Variants in ANO3 observed in about 807,000 individuals in gnomAD.
The protein encoded by ANO3 is anoctamin 3.
Under a neutral mutation model 144.8 loss-of-function variants are expected in ANO3, and 99 were observed. The observed-to-expected ratio is 0.68, with a 90% CI of 0.58 to 0.81. ANO3 has a LOEUF of 0.81. ANO3 is among the 30% of genes least tolerant of loss of function. The pLI, the probability that ANO3 is intolerant of heterozygous loss-of-function variation, is 0.00. For missense variants in ANO3, 905 were observed against 1,202.2 expected (o/e 0.75, Z 3.66); for synonymous variants, 414 against 392.6 (o/e 1.05, Z -0.64).
intron 14 of ANO3, among the ~76,000 whole-genome samples, chr11:26,569,598 G>A (rs548178331): frequency 6.6e-6 from 1 of 152,194 alleles, no homozygotes; most frequent in Admixed American, 6.5e-5. Context: ...TTGACCTCAT[G>A]CCAACTGAAC....
chr11:26,621,278 A>T (rs1314977909), intron 17 of ANO3, among the ~76,000 whole-genome samples: 2 of 152,098 alleles, frequency 1.3e-5, no homozygotes, highest in Non-Finnish European at 2.9e-5. Context: ...TGCACTGAAA[A>T]AGTGTTTCCC....
At chr11:26,443,546 G>A (rs889948025) in intron 2 of ANO3, among the ~76,000 whole-genome samples, 2 of 152,166 alleles carry the variant, frequency 1.3e-5, no homozygotes, top group Non-Finnish European at 2.9e-5. Flanking sequence ...AGGTTGCAGT[G>A]AGCCGAGATC....
chr11:26,309,323 A>G (rs1854455386), upstream of ANO3, among the ~76,000 whole-genome samples: 1 of 152,178 alleles, frequency 6.6e-6, no homozygotes, highest in Non-Finnish European at 1.5e-5. Context: ...GGTGCAGAAT[A>G]TTAGAAGAGT....
rs193027980 is a variant in ANO3 at position 26,579,186 on chromosome 11, A to G, written c.1448-19179A>G. ...TCCACATGATTTATTAATGCTTTCT[A>G]AAAAAGCACTTAAGGCAGGTAATTA... On this transcript the variant is annotated intron_variant, in intron 14 of 26. Transcript: ENST00000256737. Among the ~76,000 whole-genome samples, 27 of 152,286 alleles carry G rather than the reference A, an allele frequency of 1.8e-4. No individual in the cohort carries two copies. The East Asian group carries it at 5.2e-3, about 29-fold the overall frequency.
intron 1 of ANO3, among the ~76,000 whole-genome samples, chr11:26,293,058 A>T (rs1466133303): frequency 6.6e-6 from 1 of 152,184 alleles, no homozygotes; most frequent in Non-Finnish European, 1.5e-5. Flanking sequence ...CCCACCCCAT[A>T]TCTTTAAATT....
intron 20 of ANO3, among the ~76,000 whole-genome samples, chr11:26,638,143 G>A (rs1353504694): frequency 2.0e-5 from 3 of 152,092 alleles, no homozygotes; most frequent in Non-Finnish European, 4.4e-5. Flanking sequence ...TTCCTTTCCA[G>A]GAGGTAGAAT....
intron 3 of ANO3, among the ~76,000 whole-genome samples, chr11:26,460,938 G>T (rs886125969): frequency 1.3e-5 from 2 of 152,058 alleles, no homozygotes; most frequent in Admixed American, 6.6e-5. Context: ...GGAAGTGGCA[G>T]ATTTAGAATG....
chr11:26,225,994 G>A (rs1395867667), intron 1 of ANO3, among the ~76,000 whole-genome samples: 1 of 152,068 alleles, frequency 6.6e-6, no homozygotes, highest in Non-Finnish European at 1.5e-5. Context: ...TAACTTATGT[G>A]CTCACCTGTT....
At chr11:26,451,570 C>T (rs989719449) in intron 3 of ANO3, among the ~76,000 whole-genome samples, 23 of 152,188 alleles carry the variant, frequency 1.5e-4, no homozygotes, top group Admixed American at 6.5e-5. Flanking sequence ...CTTAGGTAAA[C>T]AAAGCAGGCA....
intron 12 of ANO3, among the ~76,000 whole-genome samples, chr11:26,549,261 T>C (rs440645): frequency 0.66 from 100,109 of 151,818 alleles, 33,307 homozygotes; most frequent in East Asian, 0.83. Context: ...CAGTGTTGTA[T>C]GGCATTATAT....
At chr11:26,198,926 A>C (rs1851639458) in intron 1 of ANO3, among the ~76,000 whole-genome samples, 1 of 152,150 alleles carries the variant, frequency 6.6e-6, no homozygotes, top group Non-Finnish European at 1.5e-5. Context: ...GTGATAATGA[A>C]TTTCCAGTTT....
At chr11:26,541,345 G>T (rs1455452365) in intron 10 of ANO3, among the ~76,000 whole-genome samples, 2 of 152,054 alleles carry the variant, frequency 1.3e-5, no homozygotes, top group Non-Finnish European at 2.9e-5. Flanking sequence ...ACCTAATGCA[G>T]ATGACAGATT....
At chr11:26,229,759 G>A (rs944090684) in intron 1 of ANO3, among the ~76,000 whole-genome samples, 1 of 151,210 alleles carries the variant, frequency 6.6e-6, no homozygotes, top group African/African-American at 2.4e-5. Context: ...AGTTAGAAAG[G>A]GTGTGAAACT....
rs145969045 is a variant in ANO3 at position 26,541,245 on chromosome 11, T to C, written c.1033-702T>C. ...TCACTCATAACTGGGAGTTGAACAA[T>C]GAGAATACGTGGACACAGGGAGGGG... On this transcript the variant is annotated intron_variant, in intron 10 of 26. Coordinates refer to ENST00000256737, the MANE Select transcript of ANO3 (RefSeq NM_031418.4). Among the ~76,000 whole-genome samples, 1,481 of 151,722 alleles carry C rather than the reference T, an allele frequency of 9.8e-3. 24 individuals are homozygous for C. Among genetic ancestry groups the C allele is most frequent in the African/African-American group, 0.034 (1,389 of 41,326 alleles).
In ANO3 at chr11:26,475,041, G is replaced by A. The variant is rs568511727; in HGVS notation, c.432+11893G>A. ...GACTATTCTTTTAAGAATTGGCTTT[G>A]TGTCTTCATTAGATAAACTAGAGAA... is the stretch of plus-strand genomic sequence containing the variant. On this transcript the variant is annotated intron_variant, in intron 4 of 26. Coordinates refer to ENST00000256737, the MANE Select transcript of ANO3 (RefSeq NM_031418.4). Among the ~76,000 whole-genome samples the A allele has an allele frequency of 4.6e-5, 7 of 151,958 alleles. No individual in the cohort carries two copies. The South Asian group carries it at 1.2e-3, about 27-fold the overall frequency.
intron 1 of ANO3, among the ~76,000 whole-genome samples, chr11:26,204,776 C>A (rs1209333145): frequency 1.3e-5 from 2 of 152,142 alleles, no homozygotes; most frequent in Non-Finnish European, 2.9e-5. Context: ...TATCTGATAG[C>A]TGCAATGAAG....
chr11:26,451,161 G>C (rs1858917773), intron 3 of ANO3, among the ~76,000 whole-genome samples: 1 of 152,166 alleles, frequency 6.6e-6, no homozygotes, highest in Admixed American at 6.5e-5. Flanking sequence ...GAGCGACGCA[G>C]AAGACAGGTG....
chr11:26,364,746 G>A (rs760248844), intron 1 of ANO3, among the ~76,000 whole-genome samples: 31 of 152,118 alleles, frequency 2.0e-4, no homozygotes, highest in Non-Finnish European at 3.4e-4. Flanking sequence ...ATCCACCCCC[G>A]TGATCAAATC....
At chr11:26,494,370 C>T (rs1860841228) in intron 4 of ANO3, among the ~76,000 whole-genome samples, 1 of 152,072 alleles carries the variant, frequency 6.6e-6, no homozygotes, top group African/African-American at 2.4e-5. Context: ...ATGTCACCAT[C>T]TTCACAATTT....
Sources: allele counts gnomAD v4.1 joint callset (sites outside exome capture counted in the v4.1 genomes callset), GRCh38; gene constraint gnomAD v4.1.1; transcripts MANE v1.5; gene names NCBI Gene and HGNC (gene_info 2026-07-23, HGNC 2026-07-21).